Variants in NARS2 observed in about 807,000 individuals in gnomAD.
NARS2 encodes asparaginyl-tRNA synthetase 2, mitochondrial, also known as asparaginyl-tRNA synthetase.
A neutral mutation model predicts 62.9 loss-of-function variants in NARS2; 60 were observed. That is an observed-to-expected ratio of 0.95 (90% CI 0.77 to 1.18). The LOEUF is 1.18. NARS2 is among the 50% of genes most tolerant of loss of function. The pLI is 0.00. For synonymous variants in NARS2, 196 were observed against 200.0 expected (o/e 0.98, Z 0.17); for missense variants, 619 against 576.4 (o/e 1.07, Z -0.76).
intron 2 of NARS2, among the ~76,000 whole-genome samples, chr11:78,569,406 T>TG (rs2135542182): frequency 6.6e-6 from 1 of 152,314 alleles, no homozygotes; most frequent in South Asian, 2.1e-4. Flanking sequence ...CCTCCTGCCT[T>TG]GGCCTCCCAA....
At position 78,491,126 on chromosome 11, in the gene NARS2, C is replaced by T. The variant is rs1309620121; in HGVS notation, c.822+1937G>A. 2.6e-5 allele frequency among the ~76,000 whole-genome samples: 4 copies of T among 152,326 alleles called. No individual in the cohort carries two copies. The East Asian group carries it at 7.7e-4, about 29-fold the overall frequency. Reference sequence around the variant, plus strand: ...TCCTTCTGAAGCTCAGATCCTGAATCCCTACAGTCCAGAATATGGTTGTTC... The same window carrying T: ...TCCTTCTGAAGCTCAGATCCTGAATTCCTACAGTCCAGAATATGGTTGTTC... On this transcript the variant is annotated intron_variant, in intron 7 of 13. Transcript: ENST00000281038.
chr11:78,574,713 C>G lies in NARS2; in HGVS notation c.-225G>C, dbSNP rs948978331. The G allele has an allele frequency of 1.7e-5, 9 of 523,830 alleles. No homozygotes were observed. Among genetic ancestry groups the G allele is most frequent in the Admixed American group, 7.3e-5 (2 of 27,584 alleles). The allele number at this position is 523,830 out of a possible 1,614,324, so 32.4% of individuals were successfully genotyped here. On this transcript the variant is annotated 5_prime_UTR_variant, in exon 1 of 14. Transcript: ENST00000281038. ...CCAACGGGGCGGAATGGACAGGACA[C>G]TAGGCAAACGCCAGAAAGAAACCAC...
intron 6 of NARS2, among the ~76,000 whole-genome samples, chr11:78,515,967 T>C (rs1254935724): frequency 6.6e-6 from 1 of 152,234 alleles, no homozygotes; most frequent in Non-Finnish European, 1.5e-5. Flanking sequence ...CAGAATCATG[T>C]CTCCTCTTTG....
chr11:78,487,689 A>G (rs1039094780), intron 7 of NARS2, among the ~76,000 whole-genome samples: 1 of 152,204 alleles, frequency 6.6e-6, no homozygotes. Context: ...AAAGAAAAAA[A>G]TCTTGAAAGA....
At chr11:78,453,745 A>T (rs1157742605) in intron 11 of NARS2, among the ~76,000 whole-genome samples, 3 of 152,236 alleles carry the variant, frequency 2.0e-5, no homozygotes, top group African/African-American at 7.2e-5. Context: ...CTGCTGAAAT[A>T]CACAGTATTT....
chr11:78,518,522 T>C (rs563579215), intron 6 of NARS2, among the ~76,000 whole-genome samples: 5 of 151,846 alleles, frequency 3.3e-5, no homozygotes, highest in African/African-American at 9.7e-5. Flanking sequence ...ACAAACAATT[T>C]CTTTTTTTTT....
intron 5 of NARS2, among the ~76,000 whole-genome samples, chr11:78,532,493 G>A (rs1411754396): frequency 4.6e-5 from 7 of 152,102 alleles, no homozygotes; most frequent in Admixed American, 4.6e-4. Flanking sequence ...AGACTCAAAT[G>A]GCTAATGTGA....
intron 4 of NARS2, among the ~76,000 whole-genome samples, chr11:78,564,885 G>A (rs7936011): frequency 1.3e-5 from 2 of 152,038 alleles, no homozygotes; most frequent in Non-Finnish European, 2.9e-5. Context: ...GACCAAAAGT[G>A]AATCTGAAGG....
chr11:78,472,099 G>A (rs1858903269), intron 9 of NARS2, among the ~76,000 whole-genome samples: 2 of 152,080 alleles, frequency 1.3e-5, no homozygotes, highest in East Asian at 1.9e-4. Flanking sequence ...GTTATTCCAC[G>A]TCTTCCACTC....
intron 4 of NARS2, among the ~76,000 whole-genome samples, chr11:78,563,961 G>A (rs563870138): frequency 6.8e-6 from 1 of 146,512 alleles, no homozygotes; most frequent in Admixed American, 6.8e-5. Flanking sequence ...GAGTGCAGTG[G>A]CGCAGTCTCT....
intron 5 of NARS2, among the ~76,000 whole-genome samples, chr11:78,540,757 C>G (rs548055250): frequency 1.3e-5 from 2 of 152,352 alleles, no homozygotes; most frequent in Middle Eastern, 6.8e-3. Flanking sequence ...TACTCACCAT[C>G]TGTAAGCTCC....
chr11:78,437,029 T>C (rs976830599), intron 13 of NARS2, among the ~76,000 whole-genome samples: 2 of 152,232 alleles, frequency 1.3e-5, no homozygotes, highest in African/African-American at 4.8e-5. Flanking sequence ...GATCCTGTCA[T>C]ACAGTCATGG....
chr11:78,441,196 G>T, intron 12 of NARS2, 79 bp from the exon 13 acceptor site: 3 of 1,320,870 alleles, frequency 2.3e-6, no homozygotes, highest in Non-Finnish European at 3.2e-6. Flanking sequence ...TTCTGGGTGT[G>T]TGCAAAGAAC....
chr11:78,545,754 G>A (rs1054986627), intron 5 of NARS2, among the ~76,000 whole-genome samples: 2 of 151,876 alleles, frequency 1.3e-5, no homozygotes, highest in African/African-American at 2.4e-5. Flanking sequence ...GGCTGGTCTC[G>A]AACTCCTGGC....
chr11:78,548,009 C>G (rs896443014), intron 5 of NARS2, among the ~76,000 whole-genome samples: 1 of 152,076 alleles, frequency 6.6e-6, no homozygotes, highest in African/African-American at 2.4e-5. Flanking sequence ...CGCTTGAGTC[C>G]AAGAGTTTGA....
intron 11 of NARS2, among the ~76,000 whole-genome samples, chr11:78,447,990 G>A (rs926325595): frequency 2.6e-5 from 4 of 151,800 alleles, no homozygotes; most frequent in African/African-American, 4.8e-5. Context: ...TTACATACAA[G>A]GTGACTAGAG....
At chr11:78,526,158 A>T (rs989610401) in intron 6 of NARS2, among the ~76,000 whole-genome samples, 3 of 152,178 alleles carry the variant, frequency 2.0e-5, no homozygotes, top group Non-Finnish European at 4.4e-5. Flanking sequence ...GGTTTTGACA[A>T]ATGTATCATG....
chr11:78,439,775 G>C (rs1857520067), intron 13 of NARS2, among the ~76,000 whole-genome samples: 1 of 152,002 alleles, frequency 6.6e-6, no homozygotes, highest in African/African-American at 2.4e-5. Flanking sequence ...CACAGCACAA[G>C]GATTAATAAT....
intron 6 of NARS2, among the ~76,000 whole-genome samples, chr11:78,496,326 G>A (rs1860056682): frequency 6.6e-6 from 1 of 152,086 alleles, no homozygotes; most frequent in South Asian, 2.1e-4. Flanking sequence ...TACCATTATG[G>A]AATGATCATT....
Sources: gnomAD v4.1 joint callset for allele counts (sites outside exome capture counted in the v4.1 genomes callset) on GRCh38, gnomAD v4.1.1 for gene constraint, MANE v1.5 for transcripts, NCBI Gene and HGNC (gene_info 2026-07-23, HGNC 2026-07-21) for gene names.